RBFOX1: variants seen among roughly 807,000 people sequenced by gnomAD.
RBFOX1 encodes RNA binding fox-1 homolog 1, also known as RNA binding protein fox-1 homolog 1.
In RBFOX1, 8 loss-of-function variants were observed where a neutral mutation model predicts 57.7. That is an observed-to-expected ratio of 0.14 (90% CI 0.08 to 0.25). RBFOX1 has a LOEUF of 0.25. Among genes scored for constraint, RBFOX1 ranks in the 10% least tolerant of loss-of-function variants. The pLI is 1.00. For missense variants in RBFOX1, 611 were observed against 548.5 expected (o/e 1.11, Z -1.14); for synonymous variants, 326 against 222.4 (o/e 1.47, Z -4.15).
At chr16:6,924,095 G>A (rs548578729) in intron 3 of RBFOX1, among the ~76,000 whole-genome samples, 90 of 151,964 alleles carry the variant, frequency 5.9e-4, no homozygotes, top group Admixed American at 3.7e-3. Context: ...GCTTGAACCC[G>A]GAGGTGGAGG....
At chr16:7,256,287 G>T (rs189225804) in intron 4 of RBFOX1, among the ~76,000 whole-genome samples, 227 of 152,296 alleles carry the variant, frequency 1.5e-3, no homozygotes, top group African/African-American at 4.8e-3. Flanking sequence ...GATGAGGGGA[G>T]AGGTTAAGCC....
intron 3 of RBFOX1, among the ~76,000 whole-genome samples, chr16:5,818,440 G>A (rs1227878529): frequency 3.3e-5 from 5 of 152,164 alleles, no homozygotes; most frequent in Admixed American, 6.6e-5. Context: ...GGAACAGAGA[G>A]CTCTGCCTTT....
At chr16:7,225,458 C>A (rs1226428602) in intron 4 of RBFOX1, among the ~76,000 whole-genome samples, 1 of 152,070 alleles carries the variant, frequency 6.6e-6, no homozygotes, top group Non-Finnish European at 1.5e-5. Context: ...TCACCTTCCA[C>A]CATGATTGTG....
At chr16:6,086,262 G>A (rs557431827) in intron 1 of RBFOX1, among the ~76,000 whole-genome samples, 2 of 152,226 alleles carry the variant, frequency 1.3e-5, no homozygotes, top group African/African-American at 4.8e-5. Flanking sequence ...TTGTTGGAAG[G>A]GAACCCCTAG....
chr16:5,518,367 C>T (rs898611604), intron 2 of RBFOX1, among the ~76,000 whole-genome samples: 1 of 151,998 alleles, frequency 6.6e-6, no homozygotes. Flanking sequence ...TTTTTTGACC[C>T]TCACCATTGC....
chr16:6,799,695 T>A (rs1445649063), intron 3 of RBFOX1, among the ~76,000 whole-genome samples: 2 of 152,082 alleles, frequency 1.3e-5, no homozygotes, highest in Non-Finnish European at 2.9e-5. Context: ...GTTTGCTGAG[T>A]CTTCCACCTT....
At chr16:5,401,483 C>A (rs1023984394) in intron 1 of RBFOX1, among the ~76,000 whole-genome samples, 1 of 152,140 alleles carries the variant, frequency 6.6e-6, no homozygotes, top group Non-Finnish European at 1.5e-5. Context: ...TGGGGCCCCT[C>A]CTCCTGCCGT....
chr16:7,199,467 G>A lies in RBFOX1; in HGVS notation c.27+147369G>A, dbSNP rs181607317. Among the ~76,000 whole-genome samples, 226 of 152,274 alleles carry A rather than the reference G, an allele frequency of 1.5e-3. 1 individual carries two copies. The highest frequency in any genetic ancestry group is 5.0e-3 in the African/African-American group (209 of 41,558). On this transcript the variant is annotated intron_variant, in intron 4 of 15. Transcript: ENST00000550418. ...TGAATGACTGAGTGTTTCAGGCAGC[G>A]TACGCCTGAAGGTTTGGAAGTTTTA...
chr16:5,434,108 C>T (rs915948172), intron 1 of RBFOX1, among the ~76,000 whole-genome samples: 2 of 152,142 alleles, frequency 1.3e-5, no homozygotes, highest in Admixed American at 6.5e-5. Flanking sequence ...CAGACCTGTA[C>T]AGAACCTCTG....
At chr16:5,287,405 A>T (rs1181576754) in intron 1 of RBFOX1, among the ~76,000 whole-genome samples, 1 of 152,204 alleles carries the variant, frequency 6.6e-6, no homozygotes, top group African/African-American at 2.4e-5. Flanking sequence ...CTACAGTCTT[A>T]TTCATTATAA....
At chr16:6,580,565 A>G (rs967824534) in intron 2 of RBFOX1, among the ~76,000 whole-genome samples, 1 of 143,798 alleles carries the variant, frequency 7.0e-6, no homozygotes, top group African/African-American at 2.5e-5. Flanking sequence ...CGTTTGCTCA[A>G]TTCTGCAAAA....
At chr16:7,252,193 C>A (rs1195078127) in intron 4 of RBFOX1, among the ~76,000 whole-genome samples, 1 of 152,198 alleles carries the variant, frequency 6.6e-6, no homozygotes, top group Non-Finnish European at 1.5e-5. Context: ...GAGGAAGGAG[C>A]TGGTTCTCCT....
intron 3 of RBFOX1, among the ~76,000 whole-genome samples, chr16:6,943,808 A>G (rs1405906426): frequency 1.3e-5 from 2 of 152,176 alleles, no homozygotes; most frequent in African/African-American, 4.8e-5. Context: ...TAAGTGTTCA[A>G]AAACTGTGTT....
chr16:5,740,499 G>A (rs776023415), intron 3 of RBFOX1, among the ~76,000 whole-genome samples: 1 of 152,200 alleles, frequency 6.6e-6, no homozygotes, highest in Non-Finnish European at 1.5e-5. Context: ...GCAAACTCAT[G>A]GATCAGTTAG....
chr16:5,647,884 G>C (rs1204528926), intron 3 of RBFOX1, among the ~76,000 whole-genome samples: 1 of 152,024 alleles, frequency 6.6e-6, no homozygotes, highest in Non-Finnish European at 1.5e-5. Context: ...TTTTGAGATG[G>C]AGTTTCATTC....
At chr16:7,218,365 C>G (rs1385901203) in intron 4 of RBFOX1, among the ~76,000 whole-genome samples, 1 of 152,110 alleles carries the variant, frequency 6.6e-6, no homozygotes, top group South Asian at 2.1e-4. Flanking sequence ...CTTCAGTATG[C>G]TTCCTATGAG....
At chr16:6,781,605 C>T (rs145853734) in intron 3 of RBFOX1, among the ~76,000 whole-genome samples, 83 of 152,204 alleles carry the variant, frequency 5.5e-4, no homozygotes, top group African/African-American at 1.8e-3. Flanking sequence ...TATAGCATTA[C>T]TTATTGATTT....
chr16:7,592,494 G>C (rs1442565584), intron 7 of RBFOX1, among the ~76,000 whole-genome samples: 2 of 152,172 alleles, frequency 1.3e-5, no homozygotes, highest in East Asian at 3.9e-4. Flanking sequence ...TCTTCCCAGT[G>C]CTGTGGTAAT....
chr16:6,964,354 T>C (rs117888428), intron 3 of RBFOX1, among the ~76,000 whole-genome samples: 3 of 152,216 alleles, frequency 2.0e-5, no homozygotes, highest in Non-Finnish European at 4.4e-5. Flanking sequence ...AAATACTCTA[T>C]GTGACACTGT....
Sources: allele counts gnomAD v4.1 joint callset (sites outside exome capture counted in the v4.1 genomes callset), GRCh38; gene constraint gnomAD v4.1.1; transcripts MANE v1.5; gene names NCBI Gene and HGNC (gene_info 2026-07-23, HGNC 2026-07-21).